The following SCAPER variants were observed in gnomAD, a reference collection of about 807,000 sequenced individuals.
The protein encoded by SCAPER is S-phase cyclin A associated protein in the ER.
A neutral mutation model predicts 182.2 loss-of-function variants in SCAPER; 98 were observed. That is an observed-to-expected ratio of 0.54 (90% CI 0.46 to 0.64). The LOEUF is 0.64. Among genes scored for constraint, SCAPER ranks in the 30% least tolerant of loss-of-function variants. The pLI, the probability that SCAPER is intolerant of heterozygous loss-of-function variation, is 0.00. For missense variants in SCAPER, 1,432 were observed against 1,690.0 expected (o/e 0.85, Z 2.68); for synonymous variants, 605 against 564.6 (o/e 1.07, Z -1.01).
intron 23 of SCAPER, among the ~76,000 whole-genome samples, chr15:76,516,353 C>T (rs1165456787): frequency 1.3e-5 from 2 of 151,864 alleles, no homozygotes; most frequent in African/African-American, 2.4e-5. Flanking sequence ...AATGCTATCC[C>T]TCCCCTAGCA....
At chr15:76,770,597 C>T (rs1046334567) in intron 10 of SCAPER, among the ~76,000 whole-genome samples, 2 of 152,028 alleles carry the variant, frequency 1.3e-5, no homozygotes, top group African/African-American at 2.4e-5. Flanking sequence ...GTTTATGACT[C>T]TGCAAGTTTA....
intron 8 of SCAPER, among the ~76,000 whole-genome samples, chr15:76,783,963 G>A (rs962120688): frequency 6.6e-6 from 1 of 152,176 alleles, no homozygotes; most frequent in East Asian, 1.9e-4. Context: ...CATTCCCTTT[G>A]AAAACGGGCA....
At chr15:76,629,442 C>A (rs1292462927) in intron 21 of SCAPER, among the ~76,000 whole-genome samples, 1 of 152,106 alleles carries the variant, frequency 6.6e-6, no homozygotes, top group African/African-American at 2.4e-5. Flanking sequence ...CCTTCAATAC[C>A]GAGTTTATTG....
intron 26 of SCAPER, among the ~76,000 whole-genome samples, chr15:76,406,629 C>CAT (rs1273448826): frequency 6.6e-6 from 1 of 151,732 alleles, no homozygotes; most frequent in African/African-American, 2.4e-5. Context: ...CACACACACA[C>CAT]ACACACACAC....
At chr15:76,705,504 T>C (rs1463407109) in intron 18 of SCAPER, among the ~76,000 whole-genome samples, 1 of 150,766 alleles carries the variant, frequency 6.6e-6, no homozygotes, top group African/African-American at 2.4e-5. Flanking sequence ...TATATGTAAC[T>C]AACCTGCACA....
chr15:76,804,702 G>A, intron 5 of SCAPER, 69 bp from the exon 6 acceptor site: 1 of 956,180 alleles, frequency 1.0e-6, no homozygotes, highest in Non-Finnish European at 1.5e-6. Context: ...AAAAAAAAGA[G>A]TGAACAACTT....
At chr15:76,566,261 T>C (rs996040801) in intron 23 of SCAPER, among the ~76,000 whole-genome samples, 1 of 152,140 alleles carries the variant, frequency 6.6e-6, no homozygotes. Context: ...ACAAGATAAG[T>C]TTTGAAAATA....
intron 23 of SCAPER, among the ~76,000 whole-genome samples, chr15:76,544,676 G>C (rs964577568): frequency 2.0e-5 from 3 of 152,122 alleles, no homozygotes; most frequent in African/African-American, 7.2e-5. Context: ...TGGGAAATGG[G>C]GCGTGACTGG....
At chr15:76,821,673 G>A (rs1203176404) in intron 5 of SCAPER, among the ~76,000 whole-genome samples, 2 of 151,652 alleles carry the variant, frequency 1.3e-5, no homozygotes, top group Non-Finnish European at 1.5e-5. Flanking sequence ...GCTCACACCC[G>A]TAATCAAAGC....
rs994676343 is a variant in SCAPER at position 76,820,482 on chromosome 15, C to T, written c.394-15849G>A. 9.2e-5 allele frequency among the ~76,000 whole-genome samples: 14 copies of T among 151,670 alleles called. 1 individual carries two copies. Among genetic ancestry groups the T allele is most frequent in the Admixed American group, 2.6e-4 (4 of 15,234 alleles). On this transcript the variant is annotated intron_variant, in intron 5 of 31. Transcript: ENST00000563290. ...GAAACCATCATTCTCAGCAAACTAT[C>T]GCAAGGACAAAAAACCAAACACCAC...
chr15:76,420,892 T>C (rs906199894), intron 26 of SCAPER, among the ~76,000 whole-genome samples: 3 of 152,176 alleles, frequency 2.0e-5, no homozygotes, highest in Non-Finnish European at 4.4e-5. Flanking sequence ...GTCTTTGCAA[T>C]AGTTTGCTGA....
intron 14 of SCAPER, among the ~76,000 whole-genome samples, chr15:76,757,869 C>A (rs1177082648): frequency 1.3e-5 from 2 of 152,156 alleles, no homozygotes; most frequent in African/African-American, 2.4e-5. Context: ...ATGCTGAGCA[C>A]CTTTCCATGT....
At chr15:76,644,050 T>G (rs2054333208) in intron 21 of SCAPER, among the ~76,000 whole-genome samples, 1 of 152,252 alleles carries the variant, frequency 6.6e-6, no homozygotes, top group Non-Finnish European at 1.5e-5. Flanking sequence ...AAAGAATAAT[T>G]AGTATTCTTT....
At position 76,618,507 on chromosome 15, in the gene SCAPER, A is replaced by G. The variant is rs73457057; in HGVS notation, c.2711+3257T>C. On this transcript the variant is annotated intron_variant, in intron 22 of 31. Coordinates refer to ENST00000563290, the MANE Select transcript of SCAPER (RefSeq NM_020843.4). The stretch of plus-strand genomic sequence containing the variant: ...ACATTTGTAGGAATATTTACAGCAA[A>G]CTTACTGTCCTGTGTCTTTTATCCA... Among the ~76,000 whole-genome samples, 670 of 152,274 alleles carry G rather than the reference A, an allele frequency of 4.4e-3. 7 individuals carry two copies. The highest frequency in any genetic ancestry group is 0.015 in the African/African-American group (638 of 41,566).
intron 21 of SCAPER, among the ~76,000 whole-genome samples, chr15:76,656,242 G>A (rs34639578): frequency 0.22 from 33,764 of 151,798 alleles, 4,660 homozygotes; most frequent in Admixed American, 0.35. Flanking sequence ...AAAAAAGCAG[G>A]GGTTGCTACC....
intron 5 of SCAPER, among the ~76,000 whole-genome samples, chr15:76,840,063 C>T (rs2069316872): frequency 6.6e-6 from 1 of 152,168 alleles, no homozygotes; most frequent in East Asian, 1.9e-4. Flanking sequence ...TGTCTTCTAC[C>T]GCAACATACT....
chr15:76,874,339 A>G (rs1015317055), intron 2 of SCAPER, among the ~76,000 whole-genome samples: 2 of 152,236 alleles, frequency 1.3e-5, no homozygotes, highest in Non-Finnish European at 2.9e-5. Context: ...AAGGATATGT[A>G]AGAAAGAAAA....
chr15:76,758,359 T>A (rs1481814460), intron 14 of SCAPER, among the ~76,000 whole-genome samples: 6 of 152,220 alleles, frequency 3.9e-5, no homozygotes, highest in African/African-American at 1.4e-4. Flanking sequence ...CCCCATTGTA[T>A]GTTCTCAGCA....
intron 22 of SCAPER, among the ~76,000 whole-genome samples, chr15:76,607,741 T>A (rs960125686): frequency 2.0e-5 from 3 of 148,996 alleles, no homozygotes; most frequent in African/African-American, 4.9e-5. Context: ...TCTCTAAACT[T>A]CCCTTCTCGC....
Sources: allele counts gnomAD v4.1 joint callset (sites outside exome capture counted in the v4.1 genomes callset), GRCh38; gene constraint gnomAD v4.1.1; transcripts MANE v1.5; gene names NCBI Gene and HGNC (gene_info 2026-07-23, HGNC 2026-07-21).